The following SH2D5 variants were observed in gnomAD, a reference collection of about 807,000 sequenced individuals.
The protein encoded by SH2D5 is SH2 domain containing 5, also known as SH2 domain-containing protein 5.
A neutral mutation model predicts 48.2 loss-of-function variants in SH2D5; 45 were observed. The observed-to-expected ratio is 0.93, with a 90% confidence interval of 0.73 to 1.20. The LOEUF (loss-of-function observed/expected upper bound fraction) is 1.20. Among genes scored for constraint, SH2D5 ranks in the 50% most tolerant of loss-of-function variants. The pLI is 0.00. For synonymous variants in SH2D5, 230 were observed against 249.8 expected (o/e 0.92, Z 0.75); for missense variants, 538 against 584.1 (o/e 0.92, Z 0.81).
intron 5 of SH2D5, among the ~76,000 whole-genome samples, 162 bp downstream of exon 5, chr1:20,725,758 G>A (rs929082350): frequency 1.4e-4 from 21 of 152,212 alleles, no homozygotes; most frequent in African/African-American, 4.8e-4. Context: ...GCTTTGTGGT[G>A]TCCTCAGTGG....
Position 20,728,546 on chromosome 1 carries a change from C to T in SH2D5, c.-42-460G>A, listed in dbSNP as rs533351631. Among the ~76,000 whole-genome samples, 58 of 152,176 alleles carry T rather than the reference C, an allele frequency of 3.8e-4. No homozygotes were observed. The highest frequency in any genetic ancestry group is 1.3e-3 in the African/African-American group (54 of 41,530). ...GGCTGGTTACAGGAAGACCTGTAAC[C>T]AGATTGCACAAAGTGCCAGAGGGAA... is the stretch of plus-strand genomic sequence containing the variant. On this transcript the variant is annotated intron_variant, in intron 1 of 9. Coordinates refer to ENST00000444387, the MANE Select transcript of SH2D5 (RefSeq NM_001103161.2). This position sits in a 1 kb window ranked among gnomAD's most constrained non-coding sequence, Gnocchi z 4.3.
In SH2D5 at chr1:20,725,930, TGGCTGCCCACAAAGAG is replaced by T; in HGVS notation, c.364_379del (p.Leu122SerfsTer43). 1.2e-6 allele frequency: 2 copies of T among 1,613,286 alleles called. No homozygotes were observed. The highest frequency in any genetic ancestry group is 2.2e-5 in the South Asian group (2 of 91,064). On this transcript the variant is annotated frameshift_variant, in exon 5 of 10. Transcript: ENST00000444387. LOFTEE classifies it high-confidence loss of function. ...TCAAGCCCCAGATACCTCTCCTGGC[TGGCTGCCCACAAAGAG>T]GTGGCAGAAGAGCTTGCTGGCTGGG...
At chr1:20,726,188 T>C in intron 4 of SH2D5, 122 bp from the exon 5 acceptor site, 2 of 1,231,942 alleles carry the variant, frequency 1.6e-6, no homozygotes, top group South Asian at 1.6e-5. Context: ...CAAGCCCTCA[T>C]CCTTCACATG....
Position 20,721,715 on chromosome 1 carries a change from G to T in SH2D5, c.*77C>A. The stretch of plus-strand genomic sequence containing the variant: ...CTGGATGGAACTGGCAACCAGAGGG[G>T]TGCAGGACGGGCAGAGATGCTGCTG... On this transcript the variant is annotated 3_prime_UTR_variant, in exon 10 of 10. Coordinates refer to ENST00000444387, the MANE Select transcript of SH2D5 (RefSeq NM_001103161.2). 1 of 1,341,014 alleles carries T rather than the reference G, an allele frequency of 7.5e-7. No homozygotes were observed. The highest frequency in any genetic ancestry group is 1.0e-6 in the Non-Finnish European group (1 of 999,544). The allele number at this position is 1,341,014 out of a possible 1,614,324, so 83.1% of individuals were successfully genotyped here.
chr1:20,722,874 GC>G lies in SH2D5; in HGVS notation c.949del (p.Ala317ProfsTer72). 1.2e-6 allele frequency: 2 copies of G among 1,605,416 alleles called. No homozygotes were observed. Among genetic ancestry groups the G allele is most frequent in the South Asian group, 2.2e-5 (2 of 89,658 alleles). ...LALLRRDVLG[A>X]FLLWPELGAS... ...ACCCAGCTCAGGCCACAGCAGGAAG[GC>G]CCCCAGCACGTCTCTCCGCAACAGG... On this transcript the variant is annotated frameshift_variant, in exon 9 of 10. Coordinates refer to ENST00000444387, the MANE Select transcript of SH2D5 (RefSeq NM_001103161.2). LOFTEE classifies it high-confidence loss of function.
At chr1:20,727,891 A>G (rs1480081266) in intron 2 of SH2D5, 67 bp downstream of exon 2, 1 of 1,272,602 alleles carries the variant, frequency 7.9e-7, no homozygotes, top group African/African-American at 1.5e-5. Flanking sequence ...AGCACTTCCC[A>G]ATCACCAGCG....
In SH2D5 at chr1:20,722,817, G is replaced by C; in HGVS notation, c.1007C>G (p.Thr336Arg). Residue 336 changes from threonine to arginine, a missense_variant, in exon 9 of 10, where the codon ACG becomes AGG. Thr to Arg is a moderately conservative substitution (Grantham distance 71, BLOSUM62 -1). Coordinates refer to ENST00000444387, the MANE Select transcript of SH2D5 (RefSeq NM_001103161.2). The stretch of plus-strand genomic sequence containing the variant: ...CTGGTGGGGCACCACGCCGCACTGC[G>C]TGCGCACGGACAGACACCACTGGCC... ...ASGQWCLSVR[T>R]QCGVVPHQVF... The C allele has an allele frequency of 6.2e-7, 1 of 1,602,384 alleles. No individual in the cohort carries two copies. The highest frequency in any genetic ancestry group is 8.5e-7 in the Non-Finnish European group (1 of 1,174,954).
intron 9 of SH2D5, 114 bp downstream of exon 9, chr1:20,722,642 T>G: frequency 1.8e-6 from 2 of 1,100,852 alleles, no homozygotes; most frequent in Admixed American, 3.4e-5. Flanking sequence ...GAGACAGGGA[T>G]GGGGGTGAGG....
Position 20,721,616 on chromosome 1 carries a change from T to C in SH2D5, c.*176A>G. 2 of 563,112 alleles carry C rather than the reference T, an allele frequency of 3.6e-6. No individual in the cohort carries two copies. The highest frequency in any genetic ancestry group is 6.0e-6 in the Non-Finnish European group (2 of 332,864). 34.9% of individuals were successfully genotyped at this position (563,112 alleles called of 1,614,324 possible). ...GGCCACATGTTCTCCAAGAAGCCAT[T>C]GGCGATACCCACCCTCAGGGCTCCC... is the stretch of plus-strand genomic sequence containing the variant. On this transcript the variant is annotated 3_prime_UTR_variant, in exon 10 of 10. Coordinates refer to ENST00000444387, the MANE Select transcript of SH2D5 (RefSeq NM_001103161.2).
rs1044002606 is a variant in SH2D5 at position 20,723,873 on chromosome 1, C to G, written c.800-139G>C. 6 of 977,574 alleles carry G rather than the reference C, an allele frequency of 6.1e-6. No individual in the cohort carries two copies. In the Admixed American group the frequency reaches 1.2e-4, roughly 19 times the overall value. 60.6% of individuals were successfully genotyped at this position (977,574 alleles called of 1,614,324 possible). On this transcript the variant is annotated intron_variant, in intron 7 of 9. Coordinates refer to ENST00000444387, the MANE Select transcript of SH2D5 (RefSeq NM_001103161.2). ...GCAGACATATCTGCACACGGGCCTT[C>G]CGCCCGACAGTTCTGGTCCATACAC...
chr1:20,723,246 C>G (rs927802682), intron 8 of SH2D5, among the ~76,000 whole-genome samples: 2 of 152,198 alleles, frequency 1.3e-5, no homozygotes, highest in African/African-American at 2.4e-5. Flanking sequence ...CAGAGTCTGG[C>G]TCAACAGAAA....
Position 20,725,971 on chromosome 1 carries a change from G to A in SH2D5, c.339C>T (p.Ser113=), listed in dbSNP as rs764653827. The A allele has an allele frequency of 1.9e-6, 3 of 1,613,178 alleles. No homozygotes were observed. In the African/African-American group the frequency reaches 4.0e-5, roughly 22 times the overall value. ...GGTGGCAGAAGAGCTTGCTGGCTGG[G>A]CTCCGTGGGTTTCGAGCCATGAAGG... ...QFAFMARNPR[S]PASKLFCHLF... The change falls in exon 5 of 10, where the codon AGC becomes AGT. Residue 113 remains serine, a synonymous_variant. Coordinates refer to ENST00000444387, the MANE Select transcript of SH2D5 (RefSeq NM_001103161.2).
intron 2 of SH2D5, 147 bp downstream of exon 2, chr1:20,727,811 C>T (rs1419341540): frequency 1.2e-6 from 1 of 847,876 alleles, no homozygotes; most frequent in African/African-American, 1.7e-5. Context: ...CCCAGTCCCT[C>T]ATCGGGGCAC....
intron 1 of SH2D5, chr1:20,731,076 C>G (rs1233659347): frequency 6.6e-6 from 1 of 152,312 alleles, no homozygotes; most frequent in African/African-American, 2.4e-5. Context: ...GCTGTTTCCT[C>G]AGGCCATGGC....
chr1:20,727,072 A>G lies in SH2D5; in HGVS notation c.172T>C (p.Cys58Arg), dbSNP rs377268600. 6.2e-7 allele frequency: 1 copy of G among 1,610,428 alleles called. No individual in the cohort carries two copies. Among genetic ancestry groups the G allele is most frequent in the African/African-American group, 1.3e-5 (1 of 74,874 alleles). ...AGGATGACGGCCCGGCGTCGGGGACAGTCCTGGGTGGAAAAGAGTAGTGGG... is the reference window on the plus strand; with the variant it reads ...AGGATGACGGCCCGGCGTCGGGGACGGTCCTGGGTGGAAAAGAGTAGTGGG... ...VQQQLWALKDCPRRRAVILKF... is the reference protein window; with the variant it reads ...VQQQLWALKDRPRRRAVILKF... The change falls in exon 4 of 10, where the codon TGT becomes CGT. Residue 58 changes from cysteine to arginine, a missense_variant. Physicochemically the swap from Cys to Arg is radical, Grantham distance 180. Coordinates refer to ENST00000444387, the MANE Select transcript of SH2D5 (RefSeq NM_001103161.2).
Position 20,724,109 on chromosome 1 carries a change from TG to T in SH2D5, c.772del (p.Gln258SerfsTer34). On this transcript the variant is annotated frameshift_variant, in exon 7 of 10. Transcript: ENST00000444387. LOFTEE classifies it high-confidence loss of function. ...GAYRGCTYETQLQLSAREAFP... is the reference protein window; with the variant it reads ...GAYRGCTYETXLQLSAREAFP... ...GGCCTCCCGAGCCGACAGCTGCAGC[TG>T]GGTCTCATAGGTGCAGCCGCGGTAG... 1 of 1,612,148 alleles carries T rather than the reference TG, an allele frequency of 6.2e-7. No homozygotes were observed. Among genetic ancestry groups the T allele is most frequent in the Non-Finnish European group, 8.5e-7 (1 of 1,179,284 alleles).
At chr1:20,727,455 G>A (rs1030593323) in intron 3 of SH2D5, 68 bp downstream of exon 3, 2 of 1,410,314 alleles carry the variant, frequency 1.4e-6, no homozygotes, top group Admixed American at 2.0e-5. Flanking sequence ...AGTGGATCTG[G>A]TCTAGGGGGT....
intron 9 of SH2D5, 150 bp downstream of exon 9, chr1:20,722,605 AG>A: frequency 1.3e-6 from 1 of 783,302 alleles, no homozygotes; most frequent in Non-Finnish European, 1.9e-6. Context: ...GAATTGGATG[AG>A]GGGCGAGGCC....
In SH2D5 at chr1:20,728,208, G is replaced by C. The variant is rs915039782; in HGVS notation, c.-42-122C>G. ...TATGTGTGCAGCACGGCTGCGCAAT[G>C]TCCCGGGCCCTGGGGAGCCAGCCCA... On this transcript the variant is annotated intron_variant, in intron 1 of 9. Coordinates refer to ENST00000444387, the MANE Select transcript of SH2D5 (RefSeq NM_001103161.2). The surrounding 1 kb of genome is among the most constrained non-coding windows in gnomAD (Gnocchi z 4.3). 7.3e-5 allele frequency: 44 copies of C among 604,840 alleles called. No individual in the cohort carries two copies. In the Admixed American group the frequency reaches 1.3e-3, roughly 17 times the overall value. 37.5% of individuals were successfully genotyped at this position (604,840 alleles called of 1,614,324 possible). A position where few individuals can be genotyped will look rare whatever the true frequency, so the allele number is the denominator to read the frequency against.
Sources: gnomAD v4.1 joint callset for allele counts (sites outside exome capture counted in the v4.1 genomes callset) on GRCh38, gnomAD v4.1.1 for gene constraint, Gnocchi (gnomAD v3.1) non-coding constraint, MANE v1.5 for transcripts, NCBI Gene and HGNC (gene_info 2026-07-23, HGNC 2026-07-21) for gene names.